The following NDUFA10 variants were observed in gnomAD, a reference collection of about 807,000 sequenced individuals.
NDUFA10 encodes the protein NADH dehydrogenase [ubiquinone] 1 alpha subcomplex subunit 10, mitochondrial.
In NDUFA10, 40 loss-of-function variants were observed where a neutral mutation model predicts 47.8. That is an observed-to-expected ratio of 0.84 (90% CI 0.65 to 1.09). The LOEUF (loss-of-function observed/expected upper bound fraction) is 1.09, where lower values mean the gene tolerates loss of function less well. NDUFA10 is among the 50% of genes least tolerant of loss of function. NDUFA10 has a pLI of 0.00. For synonymous variants in NDUFA10, 183 were observed against 172.2 expected, an observed-to-expected ratio of 1.06 and a Z score of -0.49; for missense variants, 413 against 451.1, an observed-to-expected ratio of 0.92 and a Z score of 0.76.
At chr2:239,924,122 C>CA (rs1255836527) in intron 4 of NDUFA10, among the ~76,000 whole-genome samples, 2 of 152,034 alleles carry the variant, frequency 1.3e-5, no homozygotes, top group African/African-American at 4.8e-5. Context: ...ACCAAACATT[C>CA]AAAGAGTAAT....
intron 4 of NDUFA10, chr2:240,017,673 C>T (rs917033671): frequency 6.0e-6 from 4 of 667,120 alleles, no homozygotes; most frequent in Non-Finnish European, 1.1e-5. Flanking sequence ...ACCCGCTGCT[C>T]AGCATGTCCA....
chr2:239,904,467 G>A (rs1174432397), intron 4 of NDUFA10, among the ~76,000 whole-genome samples: 1 of 152,028 alleles, frequency 6.6e-6, no homozygotes, highest in African/African-American at 2.4e-5. Context: ...GCTAATATTT[G>A]TATTTTTAGT....
intron 4 of NDUFA10, among the ~76,000 whole-genome samples, chr2:239,922,312 G>A (rs571656615): frequency 6.6e-6 from 1 of 152,248 alleles, no homozygotes; most frequent in South Asian, 2.1e-4. Context: ...CCTTTCTGCT[G>A]ACTATGGCTG....
chr2:239,990,204 G>C, intron 8 of NDUFA10, 22 bp from the exon 9 acceptor site: 1 of 1,543,394 alleles, frequency 6.5e-7, no homozygotes, highest in Non-Finnish European at 9.0e-7. Flanking sequence ...GACACATGTG[G>C]ATCACACCAA....
At chr2:239,996,858 G>T (rs117754162) in intron 8 of NDUFA10, among the ~76,000 whole-genome samples, 1 of 150,728 alleles carries the variant, frequency 6.6e-6, no homozygotes, top group Non-Finnish European at 1.5e-5. Context: ...TTTTATGTGT[G>T]GTCCAAGACA....
At chr2:239,947,719 G>A (rs1209474061) in intron 4 of NDUFA10, among the ~76,000 whole-genome samples, 1 of 152,212 alleles carries the variant, frequency 6.6e-6, no homozygotes, top group African/African-American at 2.4e-5. Flanking sequence ...AGGCCTCAAA[G>A]ACTATGCAAC....
At chr2:240,014,612 C>G in intron 5 of NDUFA10, 127 bp downstream of exon 5, 1 of 1,418,360 alleles carries the variant, frequency 7.1e-7, no homozygotes, top group Non-Finnish European at 9.9e-7. Context: ...CAAGTGGGAA[C>G]AGGGTGTGTG....
chr2:239,958,984 G>A lies in NDUFA10; in HGVS notation c.*2134C>T. On this transcript the variant is annotated 3_prime_UTR_variant, in exon 10 of 10. Transcript: ENST00000252711. The stretch of plus-strand genomic sequence containing the variant: ...AAGAGCTTTCGTGAGACGAACGCAT[G>A]TACTGCTCTGAAATAAGGAAATCGG... The A allele has an allele frequency of 1.0e-6, 1 of 985,446 alleles. No homozygotes were observed. The highest frequency in any genetic ancestry group is 1.2e-6 in the Non-Finnish European group (1 of 829,942). 61.0% of individuals were successfully genotyped at this position (985,446 alleles called of 1,614,324 possible).
In NDUFA10 at chr2:239,907,975, T is replaced by A. The variant is rs565350429; in HGVS notation, c.295-12661A>T. Among the ~76,000 whole-genome samples the A allele has an allele frequency of 3.4e-3, 515 of 152,248 alleles. 6 individuals carry two copies. Among genetic ancestry groups the A allele is most frequent in the Non-Finnish European group, 6.0e-3 (409 of 68,014 alleles). ...ATGTTTATTGCGGCACTATTCACAATAGCAAAGACTTGGAACCAACCCAGA... is the reference window on the plus strand; with the variant it reads ...ATGTTTATTGCGGCACTATTCACAAAAGCAAAGACTTGGAACCAACCCAGA... On this transcript the variant is annotated intron_variant, in intron 4 of 5. Transcript: ENST00000419408.
intron 4 of NDUFA10, among the ~76,000 whole-genome samples, chr2:239,938,991 C>T (rs1316302072): frequency 6.6e-6 from 1 of 152,136 alleles, no homozygotes. Flanking sequence ...CCGCAATGCT[C>T]AGCCGTTGGG....
chr2:239,895,299 C>T, exon 5 of NDUFA10: 1 of 468,142 alleles, frequency 2.1e-6, no homozygotes, highest in Non-Finnish European at 4.4e-6. Context: ...CATCTGTGCT[C>T]CTGGTCTGCT....
At position 239,962,210 on chromosome 2, in the gene NDUFA10, TACAC is replaced by T. The variant is rs59356951; in HGVS notation, c.1000-1028_1000-1025del. 1.0e-3 allele frequency among the ~76,000 whole-genome samples: 153 copies of T among 149,600 alleles called. No homozygotes were observed. In the East Asian group the frequency reaches 0.015, roughly 15 times the overall value. ...AGCATGGGCACACAGTCAATTTGTGTACACACACACACACACACACACACACACA... is the reference window on the plus strand; with the variant it reads ...AGCATGGGCACACAGTCAATTTGTGTACACACACACACACACACACACACA... On this transcript the variant is annotated intron_variant, in intron 9 of 9. Coordinates refer to ENST00000252711, the MANE Select transcript of NDUFA10 (RefSeq NM_004544.4).
downstream of NDUFA10, among the ~76,000 whole-genome samples, chr2:239,953,507 T>C (rs1294137568): frequency 1.3e-5 from 2 of 152,214 alleles, no homozygotes. Flanking sequence ...CCGGGTGACC[T>C]GAGCATGGTG....
At chr2:239,948,703 C>T (rs541112787) in intron 4 of NDUFA10, among the ~76,000 whole-genome samples, 88 of 152,314 alleles carry the variant, frequency 5.8e-4, no homozygotes, top group Middle Eastern at 3.4e-3. Flanking sequence ...GCCAGCCTGA[C>T]GACGCAACTC....
rs1253009764 is a variant in NDUFA10 at position 239,959,070 on chromosome 2, T to C, written c.*2048A>G. On this transcript the variant is annotated 3_prime_UTR_variant, in exon 10 of 10. Transcript: ENST00000252711. ...GAGAGAAGAATTGGACAGTGTTTAT[T>C]CATCTTTCTCTGCTGAACATGCATG... 4.1e-6 allele frequency: 4 copies of C among 985,368 alleles called. No homozygotes were observed. The East Asian group carries it at 3.4e-4, about 84-fold the overall frequency. 61.0% of individuals were successfully genotyped at this position (985,368 alleles called of 1,614,324 possible). A position where few individuals can be genotyped will look rare whatever the true frequency, so the allele number is the denominator to read the frequency against.
At chr2:239,907,111 T>C (rs189635890) in intron 4 of NDUFA10, among the ~76,000 whole-genome samples, 37 of 152,258 alleles carry the variant, frequency 2.4e-4, no homozygotes, top group African/African-American at 8.7e-4. Flanking sequence ...ACCACACATC[T>C]ACAACCATCC....
intron 9 of NDUFA10, 147 bp from the exon 10 acceptor site, chr2:239,961,333 C>T (rs1011862015): frequency 2.3e-5 from 35 of 1,495,430 alleles, no homozygotes; most frequent in Non-Finnish European, 2.7e-5. Flanking sequence ...GCAGGTGTCT[C>T]CTGTGAGTGC....
chr2:240,006,309 A>G (rs1196386447), intron 7 of NDUFA10, among the ~76,000 whole-genome samples: 1 of 152,222 alleles, frequency 6.6e-6, no homozygotes, highest in Non-Finnish European at 1.5e-5. Context: ...AGTAGAATAA[A>G]CCAAGGTCTC....
At chr2:239,964,006 G>C (rs1205142238) in intron 9 of NDUFA10, among the ~76,000 whole-genome samples, 1 of 152,220 alleles carries the variant, frequency 6.6e-6, no homozygotes, top group East Asian at 1.9e-4. Context: ...CAGCAGCTGA[G>C]GAAGGGGACA....
Sources: allele counts gnomAD v4.1 joint callset (sites outside exome capture counted in the v4.1 genomes callset), GRCh38; gene constraint gnomAD v4.1.1; transcripts MANE v1.5; gene names NCBI Gene and HGNC (gene_info 2026-07-23, HGNC 2026-07-21).